Variants in ATP2B2 observed in about 807,000 individuals in gnomAD.
ATP2B2 encodes plasma membrane calcium-transporting ATPase 2.
In ATP2B2, 15 loss-of-function variants were observed where a neutral mutation model predicts 120.0. That is an observed-to-expected ratio of 0.12 (90% CI 0.08 to 0.19). ATP2B2 has a LOEUF of 0.19. Among genes scored for constraint, ATP2B2 ranks in the 10% least tolerant of loss-of-function variants. The probability of loss-of-function intolerance (pLI) is 1.00; values close to 1 mark genes in which losing one functional copy is unlikely to be tolerated. For synonymous variants in ATP2B2, 694 were observed against 700.3 expected (o/e 0.99, Z 0.14); for missense variants, 1,045 against 1,719.8 (o/e 0.61, Z 6.94).
At chr3:10,521,924 C>T (rs1217080701) in intron 3 of ATP2B2, among the ~76,000 whole-genome samples, 5 of 152,074 alleles carry the variant, frequency 3.3e-5, no homozygotes, top group Non-Finnish European at 5.9e-5. Context: ...TGAGAGTCAG[C>T]GAGGGGAGGT....
At chr3:10,579,332 C>T (rs2068329755) in intron 2 of ATP2B2, among the ~76,000 whole-genome samples, 1 of 152,238 alleles carries the variant, frequency 6.6e-6, no homozygotes, top group African/African-American at 2.4e-5. Context: ...GGGCTCGCCT[C>T]CTGAGTGGCC....
intron 1 of ATP2B2, among the ~76,000 whole-genome samples, chr3:10,651,276 T>G (rs1209911821): frequency 2.6e-5 from 4 of 152,170 alleles, no homozygotes; most frequent in African/African-American, 9.6e-5. Context: ...TTTGGCTGTG[T>G]CCCCACCCAA....
chr3:10,368,072 G>A (rs1274710631), intron 12 of ATP2B2, among the ~76,000 whole-genome samples: 3 of 152,184 alleles, frequency 2.0e-5, no homozygotes, highest in African/African-American at 4.8e-5. Flanking sequence ...AACCCATGGG[G>A]TGACTTGGGA....
intron 16 of ATP2B2, among the ~76,000 whole-genome samples, chr3:10,348,026 C>G (rs2060476888): frequency 6.6e-6 from 1 of 152,120 alleles, no homozygotes; most frequent in South Asian, 2.1e-4. Flanking sequence ...CCTTGGCCTC[C>G]TCTGTAGGTT....
chr3:10,588,490 C>T (rs2068567663), intron 2 of ATP2B2, among the ~76,000 whole-genome samples: 1 of 152,160 alleles, frequency 6.6e-6, no homozygotes, highest in Admixed American at 6.5e-5. Context: ...AGCAGTTCCA[C>T]GGCCGGGCAC....
rs527298668 is a variant in ATP2B2 at position 10,608,319 on chromosome 3, G to A, written c.-415+11598C>T. 3.9e-5 allele frequency among the ~76,000 whole-genome samples: 6 copies of A among 152,394 alleles called. No homozygotes were observed. The South Asian group carries it at 1.0e-3, about 26-fold the overall frequency. On this transcript the variant is annotated intron_variant, in intron 2 of 21. Transcript: ENST00000646379. ...TGTGCCTGTAGTCCCAGCTACTGGG[G>A]AGGCTGAGGTGGGAGGATCACTTGA...
At chr3:10,406,511 T>C (rs893417194) in intron 3 of ATP2B2, among the ~76,000 whole-genome samples, 1 of 152,232 alleles carries the variant, frequency 6.6e-6, no homozygotes, top group Non-Finnish European at 1.5e-5. Flanking sequence ...ACCATTGTGT[T>C]ACAGCTACCT....
intron 1 of ATP2B2, among the ~76,000 whole-genome samples, chr3:10,464,527 C>G (rs1454322670): frequency 1.3e-5 from 2 of 152,180 alleles, no homozygotes; most frequent in African/African-American, 4.8e-5. Context: ...AGATTGCTAT[C>G]TGGAATGCCC....
chr3:10,699,368 A>C lies in ATP2B2; in HGVS notation c.-460+8547T>G, dbSNP rs992115527. 3.9e-5 allele frequency among the ~76,000 whole-genome samples: 6 copies of C among 152,360 alleles called. 1 individual carries two copies. In the East Asian group the frequency reaches 1.2e-3, roughly 29 times the overall value. ...AGTAAATCATGGCAAAGCCACTTAT[A>C]AAATATAAGGTAGAAGTATATTTAT... On this transcript the variant is annotated intron_variant, in intron 1 of 21. Coordinates refer to the ATP2B2 transcript ENST00000646379.
intron 2 of ATP2B2, among the ~76,000 whole-genome samples, chr3:10,561,692 C>T (rs1290760582): frequency 6.6e-6 from 1 of 152,210 alleles, no homozygotes; most frequent in African/African-American, 2.4e-5. Context: ...ATAAGTCTCA[C>T]AAGATCTGAT....
intron 2 of ATP2B2, among the ~76,000 whole-genome samples, chr3:10,542,958 G>A (rs2125498514): frequency 6.6e-6 from 1 of 152,220 alleles, no homozygotes; most frequent in Admixed American, 6.5e-5. Flanking sequence ...CCTCCTTCCA[G>A]TAGTCCAATG....
chr3:10,408,300 T>A (rs1393918390), intron 3 of ATP2B2, among the ~76,000 whole-genome samples: 3 of 152,174 alleles, frequency 2.0e-5, no homozygotes, highest in African/African-American at 7.2e-5. Flanking sequence ...CCTGTCAACT[T>A]CCCTGGTGAA....
chr3:10,425,259 G>A (rs56221169), intron 2 of ATP2B2, among the ~76,000 whole-genome samples: 1 of 152,062 alleles, frequency 6.6e-6, no homozygotes, highest in East Asian at 1.9e-4. Flanking sequence ...GCAGTGAGTC[G>A]AGATCGTGCC....
At position 10,597,212 on chromosome 3, in the gene ATP2B2, C is replaced by A. The variant is rs574443071; in HGVS notation, c.-415+22705G>T. 5.3e-5 allele frequency among the ~76,000 whole-genome samples: 8 copies of A among 150,994 alleles called. 2 individuals are homozygous for A. The East Asian group carries it at 1.6e-3, about 29-fold the overall frequency. Reference sequence around the variant, plus strand: ...AGACATACACACACAGGCACAGGAACCTAGGCACACACACACAGAGGCACA... The same window carrying A: ...AGACATACACACACAGGCACAGGAAACTAGGCACACACACACAGAGGCACA... On this transcript the variant is annotated intron_variant, in intron 2 of 21. Transcript: ENST00000646379.
At chr3:10,491,405 T>G (rs1264162709) in intron 1 of ATP2B2, among the ~76,000 whole-genome samples, 1 of 152,164 alleles carries the variant, frequency 6.6e-6, no homozygotes, top group Non-Finnish European at 1.5e-5. Flanking sequence ...TTTGCATTTT[T>G]AGTAGAGACG....
chr3:10,600,848 G>A (rs2125591691), intron 2 of ATP2B2, among the ~76,000 whole-genome samples: 1 of 152,294 alleles, frequency 6.6e-6, no homozygotes, highest in South Asian at 2.1e-4. Flanking sequence ...AGATGAGCTG[G>A]AATGAGGGGG....
At position 10,328,761 on chromosome 3, in the gene ATP2B2, G is replaced by A. The variant is rs2059904732; in HGVS notation, c.*53C>T. 1.3e-6 allele frequency: 2 copies of A among 1,538,710 alleles called. No homozygotes were observed. Among genetic ancestry groups the A allele is most frequent in the Admixed American group, 1.8e-5 (1 of 54,158 alleles). On this transcript the variant is annotated 3_prime_UTR_variant, in exon 23 of 23. Transcript: ENST00000360273. Reference sequence around the variant, plus strand: ...GCCTGGATGGATGGGTGCCCGGAAAGCGGGTGGCAGCGGGGTCCATGAGGG... The same window carrying A: ...GCCTGGATGGATGGGTGCCCGGAAAACGGGTGGCAGCGGGGTCCATGAGGG...
rs1283949196 is a variant in ATP2B2, at chr3:10,635,820, G to A, written c.-459-15859C>T. On this transcript the variant is annotated intron_variant, in intron 1 of 21. Coordinates refer to the ATP2B2 transcript ENST00000646379. This position sits in a 1 kb window ranked among gnomAD's most constrained non-coding sequence, Gnocchi z 4.3. ...GATCCCCTGGTGGGTATTTCATAAA[G>A]CACTCCCTGGCCTTAGCTCAAAGAG... 6.6e-6 allele frequency among the ~76,000 whole-genome samples: 1 copy of A among 152,202 alleles called. No homozygotes were observed. The highest frequency in any genetic ancestry group is 1.5e-5 in the Non-Finnish European group (1 of 68,046).
intron 2 of ATP2B2, among the ~76,000 whole-genome samples, chr3:10,606,862 G>A (rs1477202941): frequency 4.2e-5 from 6 of 143,102 alleles, no homozygotes; most frequent in Admixed American, 2.9e-4. Flanking sequence ...GTAAACGTAA[G>A]TGTAATGACG....
Sources: gnomAD v4.1 joint callset for allele counts (sites outside exome capture counted in the v4.1 genomes callset) on GRCh38, gnomAD v4.1.1 for gene constraint, Gnocchi (gnomAD v3.1) non-coding constraint, MANE v1.5 for transcripts, NCBI Gene and HGNC (gene_info 2026-07-23, HGNC 2026-07-21) for gene names.